The following KIF26B variants were observed in gnomAD, a reference collection of about 807,000 sequenced individuals.
KIF26B encodes the protein kinesin-like protein KIF26B.
In KIF26B, 63 loss-of-function variants were observed where a neutral mutation model predicts 151.2. The observed-to-expected ratio is 0.42, with a 90% confidence interval of 0.34 to 0.51. The LOEUF is 0.51. Among genes scored for constraint, KIF26B ranks in the 20% least tolerant of loss-of-function variants. The probability of loss-of-function intolerance (pLI) is 0.07; values close to 1 mark genes in which losing one functional copy is unlikely to be tolerated. For synonymous variants in KIF26B, 1,357 were observed against 1,262.1 expected (o/e 1.08, Z -1.59); for missense variants, 2,813 against 2,913.6 (o/e 0.97, Z 0.79).
intron 4 of KIF26B, among the ~76,000 whole-genome samples, chr1:245,433,007 C>G (rs1658816874): frequency 6.6e-6 from 1 of 152,194 alleles, no homozygotes; most frequent in Non-Finnish European, 1.5e-5. Context: ...TGTCCTATTA[C>G]TCTGTGATGA....
At chr1:245,334,297 C>T (rs1672179336) in intron 2 of KIF26B, among the ~76,000 whole-genome samples, 1 of 152,202 alleles carries the variant, frequency 6.6e-6, no homozygotes, top group South Asian at 2.1e-4. Flanking sequence ...TTTGCTCATT[C>T]CTAATGCGCA....
intron 10 of KIF26B, among the ~76,000 whole-genome samples, chr1:245,661,671 CAATA>C (rs1000373709): frequency 4.1e-5 from 6 of 146,830 alleles, no homozygotes; most frequent in African/African-American, 1.6e-4. Flanking sequence ...CACACACACT[CAATA>C]TATATATATA....
chr1:245,253,797 CT>C lies in KIF26B; in HGVS notation c.465+97115del, dbSNP rs1473017100. On this transcript the variant is annotated intron_variant, in intron 2 of 14. Coordinates refer to ENST00000407071, the MANE Select transcript of KIF26B (RefSeq NM_018012.4). ...TTTCCTGTCTATAGACTTTGAAGTC[CT>C]GCTTTTTTTTTTTTTTTTTTTTTTT... Among the ~76,000 whole-genome samples, 22 of 140,168 alleles carry C rather than the reference CT, an allele frequency of 1.6e-4. 1 individual carries two copies. The highest frequency in any genetic ancestry group is 2.2e-4 in the Admixed American group (3 of 13,946). The allele number at this position is 140,168 out of a possible 152,430, so 92.0% of individuals were successfully genotyped here.
intron 4 of KIF26B, among the ~76,000 whole-genome samples, chr1:245,468,881 T>C (rs1208016786): frequency 6.6e-6 from 1 of 152,236 alleles, no homozygotes; most frequent in African/African-American, 2.4e-5. Flanking sequence ...GAAATACTTC[T>C]TATTCCTTCA....
intron 2 of KIF26B, among the ~76,000 whole-genome samples, chr1:245,233,491 C>T (rs1185421510): frequency 6.6e-6 from 1 of 152,166 alleles, no homozygotes; most frequent in Non-Finnish European, 1.5e-5. Flanking sequence ...GAATTCCAGT[C>T]CCATACCAGA....
chr1:245,440,164 T>C (rs1659039677), intron 4 of KIF26B, among the ~76,000 whole-genome samples: 1 of 150,312 alleles, frequency 6.7e-6, no homozygotes, highest in Admixed American at 6.7e-5. Flanking sequence ...GAGCTCGCAG[T>C]GAGCCGAGAT....
At chr1:245,561,867 G>A (rs944177022) in intron 5 of KIF26B, among the ~76,000 whole-genome samples, 6 of 152,298 alleles carry the variant, frequency 3.9e-5, no homozygotes, top group African/African-American at 7.2e-5. Context: ...CAGTCCACCT[G>A]ATTCTCACTA....
Position 245,702,421 on chromosome 1 carries a change from T to C in KIF26B, c.6179-37T>C, listed in dbSNP as rs1332128485. ...GTCGGGAGTTGCTTCTCACCCTGTT[T>C]GCTCTGCGTCTCCATCAGGCTCTTC... On this transcript the variant is annotated intron_variant, in intron 14 of 14. Coordinates refer to ENST00000407071, the MANE Select transcript of KIF26B (RefSeq NM_018012.4). The surrounding 1 kb of genome is among the most constrained non-coding windows in gnomAD (Gnocchi z 4.1). 1 of 1,611,940 alleles carries C rather than the reference T, an allele frequency of 6.2e-7. No homozygotes were observed. Among genetic ancestry groups the C allele is most frequent in the Non-Finnish European group, 8.5e-7 (1 of 1,178,430 alleles).
chr1:245,394,024 A>G (rs1673762825), intron 3 of KIF26B, among the ~76,000 whole-genome samples: 1 of 152,108 alleles, frequency 6.6e-6, no homozygotes, highest in Non-Finnish European at 1.5e-5. Flanking sequence ...ACTGCCTGCA[A>G]TATCTGGGGC....
rs997569892 is a variant in KIF26B, at chr1:245,689,422, G to A, written c.5824+615G>A. Among the ~76,000 whole-genome samples, 6 of 152,158 alleles carry A rather than the reference G, an allele frequency of 3.9e-5. 1 individual carries two copies. The highest frequency in any genetic ancestry group is 4.1e-4 in the South Asian group (2 of 4,832). ...ATTGTCCCATTGAAAGTGGAATGGC[G>A]AGGCCCTTCCTCCACCTCCACCCCA... On this transcript the variant is annotated intron_variant, in intron 12 of 14. Transcript: ENST00000407071.
chr1:245,186,016 A>C (rs1284953686), intron 2 of KIF26B, among the ~76,000 whole-genome samples: 1 of 152,094 alleles, frequency 6.6e-6, no homozygotes, highest in Non-Finnish European at 1.5e-5. Flanking sequence ...CTGGGATTAC[A>C]GGTGCCCGCC....
intron 5 of KIF26B, among the ~76,000 whole-genome samples, chr1:245,587,529 C>G (rs1327475510): frequency 6.6e-6 from 1 of 152,160 alleles, no homozygotes; most frequent in Non-Finnish European, 1.5e-5. Flanking sequence ...GGCCATTGTT[C>G]CGTCCCGTCT....
At chr1:245,470,556 G>A (rs867272438) in intron 4 of KIF26B, among the ~76,000 whole-genome samples, 36 of 151,966 alleles carry the variant, frequency 2.4e-4, no homozygotes, top group Non-Finnish European at 4.0e-4. Context: ...TCAGCCTCCC[G>A]AGTAGCTGGG....
intron 9 of KIF26B, among the ~76,000 whole-genome samples, chr1:245,620,627 C>G (rs538271442): frequency 1.2e-4 from 19 of 152,206 alleles, no homozygotes; most frequent in Admixed American, 7.2e-4. Context: ...CTCTCAAACT[C>G]CTGAGCTCAG....
In KIF26B at chr1:245,702,428, C is replaced by A; in HGVS notation, c.6179-30C>A. On this transcript the variant is annotated intron_variant, in intron 14 of 14. Coordinates refer to ENST00000407071, the MANE Select transcript of KIF26B (RefSeq NM_018012.4). The surrounding 1 kb of genome is among the most constrained non-coding windows in gnomAD (Gnocchi z 4.1). ...GTTGCTTCTCACCCTGTTTGCTCTG[C>A]GTCTCCATCAGGCTCTTCCTCTCTT... is the stretch of plus-strand genomic sequence containing the variant. 3 of 1,612,456 alleles carry A rather than the reference C, an allele frequency of 1.9e-6. No individual in the cohort carries two copies. The highest frequency in any genetic ancestry group is 2.5e-6 in the Non-Finnish European group (3 of 1,178,900).
chr1:245,218,216 T>G lies in KIF26B; in HGVS notation c.465+61533T>G, dbSNP rs1015408298. ...CTTTCATGTCACCAGAGCAGTGACA[T>G]TCGGGCCCTCGGGGGCAGACTGTGC... On this transcript the variant is annotated intron_variant, in intron 2 of 14. Coordinates refer to ENST00000407071, the MANE Select transcript of KIF26B (RefSeq NM_018012.4). The surrounding 1 kb of genome is among the most constrained non-coding windows in gnomAD (Gnocchi z 4.1). Among the ~76,000 whole-genome samples the G allele has an allele frequency of 6.6e-6, 1 of 152,090 alleles. No individual in the cohort carries two copies. The highest frequency in any genetic ancestry group is 1.5e-5 in the Non-Finnish European group (1 of 68,004).
At chr1:245,254,176 T>C (rs1670495321) in intron 2 of KIF26B, among the ~76,000 whole-genome samples, 1 of 152,220 alleles carries the variant, frequency 6.6e-6, no homozygotes, top group Non-Finnish European at 1.5e-5. Flanking sequence ...ACTGAGAAGA[T>C]GACCTGTAAC....
intron 2 of KIF26B, among the ~76,000 whole-genome samples, chr1:245,254,726 C>G (rs1370365775): frequency 6.6e-6 from 1 of 152,110 alleles, no homozygotes; most frequent in Admixed American, 6.6e-5. Flanking sequence ...TCTGATGCCC[C>G]ACATGAGGCC....
chr1:245,270,524 T>C (rs980776478), intron 2 of KIF26B, among the ~76,000 whole-genome samples: 3 of 152,174 alleles, frequency 2.0e-5, no homozygotes, highest in African/African-American at 7.2e-5. Context: ...ATTTGTGATA[T>C]TGAGCATCTT....
Sources: gnomAD v4.1 joint callset for allele counts (sites outside exome capture counted in the v4.1 genomes callset) on GRCh38, gnomAD v4.1.1 for gene constraint, Gnocchi (gnomAD v3.1) non-coding constraint, MANE v1.5 for transcripts, NCBI Gene and HGNC (gene_info 2026-07-23, HGNC 2026-07-21) for gene names.